Variants in FGFR2 observed in about 807,000 individuals in gnomAD.
FGFR2 encodes the protein BEK fibroblast growth factor receptor.
In FGFR2, 19 loss-of-function variants were observed where a neutral mutation model predicts 95.9. That is an observed-to-expected ratio of 0.20 (90% CI 0.14 to 0.29). The LOEUF is 0.29. Ranked by LOEUF, FGFR2 falls within the 10% of genes least tolerant of loss-of-function variation. The pLI is 1.00. For missense variants in FGFR2, 707 were observed against 1,056.9 expected, an observed-to-expected ratio of 0.67 and a Z score of 4.59; for synonymous variants, 392 against 393.3, an observed-to-expected ratio of 1.00 and a Z score of 0.04.
Position 121,483,681 on chromosome 10 carries a change from TAG to T in FGFR2, c.2301+15_2301+16del. 6.3e-7 allele frequency: 1 copy of T among 1,588,656 alleles called. No homozygotes were observed. Among genetic ancestry groups the T allele is most frequent in the Non-Finnish European group, 8.6e-7 (1 of 1,157,744 alleles). Reference sequence around the variant, plus strand: ...AAGACAACCAAGGACAAGGGGCTTCTAGAAGGAAGTTCTTACCTCATTGGTTG... The same window carrying T: ...AAGACAACCAAGGACAAGGGGCTTCTAAGGAAGTTCTTACCTCATTGGTTG... On this transcript the variant is annotated intron_variant, in intron 17 of 17. Transcript: ENST00000358487.
intron 6 of FGFR2, 118 bp downstream of exon 6, chr10:121,538,474 G>A: frequency 7.2e-7 from 1 of 1,395,962 alleles, no homozygotes; most frequent in Non-Finnish European, 1.0e-6. Context: ...GAAAGAATAA[G>A]AATGAACCAA....
chr10:121,484,612 C>T (rs1288728445), intron 16 of FGFR2, among the ~76,000 whole-genome samples: 1 of 152,152 alleles, frequency 6.6e-6, no homozygotes, highest in Non-Finnish European at 1.5e-5. Context: ...CTTAGTTAAT[C>T]CTGGAGGGGT....
chr10:121,583,834 C>A (rs145405967), intron 2 of FGFR2, among the ~76,000 whole-genome samples: 139 of 152,056 alleles, frequency 9.1e-4, no homozygotes, highest in African/African-American at 3.3e-3. Context: ...AAGACCTGGG[C>A]CCACACTCAC....
chr10:121,513,251 C>A (rs1849288503), intron 9 of FGFR2, among the ~76,000 whole-genome samples: 2 of 152,176 alleles, frequency 1.3e-5, no homozygotes, highest in South Asian at 2.1e-4. Context: ...TTAGAACATT[C>A]TTATGTCAAC....
At position 121,565,505 on chromosome 10, in the gene FGFR2, G is replaced by A. The variant is rs749255726; in HGVS notation, c.309C>T (p.Gly103=). 1.9e-6 allele frequency: 3 copies of A among 1,614,186 alleles called. No homozygotes were observed. Among genetic ancestry groups the A allele is most frequent in the Non-Finnish European group, 2.5e-6 (3 of 1,180,014 alleles). The change falls in exon 3 of 18, where the codon GGC becomes GGT. Residue 103 remains glycine (G), a synonymous_variant. Coordinates refer to ENST00000358487, the MANE Select transcript of FGFR2 (RefSeq NM_000141.5). ...TCCTACTGGCAGTACAAGCATAGAG[G>A]CCGGAGTCTCTAGGCGTGGCGCCCT... The part of the protein sequence containing the change: ...QIKGATPRDS[G]LYACTASRTV...
chr10:121,526,052 G>C (rs1851324489), intron 6 of FGFR2: 1 of 396,418 alleles, frequency 2.5e-6, no homozygotes, highest in South Asian at 1.4e-4. Context: ...TCCCAGTATT[G>C]ATCTGGAAAC....
rs1167837053 is a variant in FGFR2, at chr10:121,531,997, A to G, written c.748+6595T>C. Among the ~76,000 whole-genome samples the G allele has an allele frequency of 1.3e-5, 2 of 152,176 alleles. No individual in the cohort carries two copies. The highest frequency in any genetic ancestry group is 2.9e-5 in the Non-Finnish European group (2 of 68,038). The stretch of plus-strand genomic sequence containing the variant: ...GACCCATTACCTGGCACGCCACCCC[A>G]ATCCCTTCTCAACAGAGGGGCTTTC... On this transcript the variant is annotated intron_variant, in intron 6 of 17. Coordinates refer to ENST00000358487, the MANE Select transcript of FGFR2 (RefSeq NM_000141.5). The surrounding 1 kb of genome is among the most constrained non-coding windows in gnomAD (Gnocchi z 4.5).
rs768112524 is a variant in FGFR2 at position 121,517,443 on chromosome 10, C to T, written c.960G>A (p.Thr320=). 13 of 1,614,164 alleles carry T rather than the reference C, an allele frequency of 8.1e-6. No individual in the cohort carries two copies. Among genetic ancestry groups the T allele is most frequent in the Middle Eastern group, 1.6e-4 (1 of 6,062 alleles). The change falls in exon 8 of 18, where the codon ACG becomes ACA. Residue 320 remains threonine, a synonymous_variant. Transcript: ENST00000358487. The surrounding 1 kb of genome is among the most constrained non-coding windows in gnomAD (Gnocchi z 4.7). ...TATAGAGAACCTCAATCTCTTTGTC[C>T]GTGGTGTTAACACCGGCGGCCTAGA... The part of the protein sequence containing the change: ...KVLKAAGVNT[T]DKEIEVLYIR...
chr10:121,577,172 T>TAGAGAGAGAGAGAGAGAGAGAG (rs1206648416), intron 2 of FGFR2, among the ~76,000 whole-genome samples: 1 of 3,154 alleles, frequency 3.2e-4, no homozygotes, highest in Non-Finnish European at 6.2e-4. Context: ...TATATATATA[T>TAGAGAGAGAGAGAGAGAGAGAG]ATATATAGAG....
intron 12 of FGFR2, 145 bp from the exon 13 acceptor site, chr10:121,496,867 A>T: frequency 1.4e-6 from 1 of 722,872 alleles, no homozygotes; most frequent in Non-Finnish European, 2.3e-6. Context: ...GTGGTGCCTC[A>T]TATCTGTAAT....
chr10:121,504,080 A>C, intron 9 of FGFR2, 139 bp from the exon 10 acceptor site: 2 of 928,408 alleles, frequency 2.2e-6, no homozygotes, highest in South Asian at 2.8e-5. Context: ...CCAAATTAGA[A>C]AACCACTGGA....
intron 17 of FGFR2, among the ~76,000 whole-genome samples, chr10:121,483,083 A>G (rs1325680623): frequency 6.6e-6 from 1 of 152,226 alleles, no homozygotes; most frequent in Non-Finnish European, 1.5e-5. Flanking sequence ...AGGCGAGAGC[A>G]TAAATATTTT....
chr10:121,493,077 C>T (rs1467471151), intron 13 of FGFR2, among the ~76,000 whole-genome samples: 1 of 152,136 alleles, frequency 6.6e-6, no homozygotes, highest in Non-Finnish European at 1.5e-5. Flanking sequence ...CACATCTGGT[C>T]TCAAACCATT....
chr10:121,508,339 T>G lies in FGFR2; in HGVS notation c.1288-4398A>C, dbSNP rs1276250870. Among the ~76,000 whole-genome samples the G allele has an allele frequency of 2.6e-5, 4 of 151,918 alleles. 1 individual carries two copies. Among genetic ancestry groups the G allele is most frequent in the Middle Eastern group, 6.8e-3 (2 of 294 alleles). On this transcript the variant is annotated intron_variant, in intron 9 of 17. Transcript: ENST00000358487. The stretch of plus-strand genomic sequence containing the variant: ...AAGCAGGAGATGAAGAATCCAGGAG[T>G]CAGGGAATCATCTCAGGGCAGGAGG...
At chr10:121,489,310 G>A (rs41293775) in intron 13 of FGFR2, among the ~76,000 whole-genome samples, 105 of 152,128 alleles carry the variant, frequency 6.9e-4, no homozygotes, top group Middle Eastern at 3.4e-3. Flanking sequence ...CTGACCTCAG[G>A]TGAGCCATCC....
At chr10:121,564,316 G>C in intron 4 of FGFR2, 186 bp downstream of exon 4, 1 of 624,854 alleles carries the variant, frequency 1.6e-6, no homozygotes, top group Non-Finnish European at 2.9e-6. Context: ...ACAAACGATA[G>C]AGAAGGCTGT....
chr10:121,527,320 C>A (rs1380626663), intron 6 of FGFR2, among the ~76,000 whole-genome samples: 3 of 152,132 alleles, frequency 2.0e-5, no homozygotes, highest in African/African-American at 7.2e-5. Flanking sequence ...GTTATTTACA[C>A]CCCAAGTGTT....
chr10:121,488,328 G>A (rs1845692848), intron 13 of FGFR2, among the ~76,000 whole-genome samples: 1 of 151,966 alleles, frequency 6.6e-6, no homozygotes, highest in Non-Finnish European at 1.5e-5. Context: ...ATCACTTGAG[G>A]TCAGTAGTTC....
chr10:121,547,148 C>T (rs1053188558), intron 5 of FGFR2, among the ~76,000 whole-genome samples: 4 of 152,112 alleles, frequency 2.6e-5, no homozygotes, highest in Admixed American at 6.6e-5. Context: ...CGCTTGAACC[C>T]GGGAGGCAGA....
Sources: gnomAD v4.1 joint callset for allele counts (sites outside exome capture counted in the v4.1 genomes callset) on GRCh38, gnomAD v4.1.1 for gene constraint, Gnocchi (gnomAD v3.1) non-coding constraint, MANE v1.5 for transcripts, NCBI Gene and HGNC (gene_info 2026-07-23, HGNC 2026-07-21) for gene names.